The following PRRC2B variants were observed in gnomAD, a reference collection of about 807,000 sequenced individuals.
The protein encoded by PRRC2B is proline rich coiled-coil 2B, also known as protein PRRC2B.
PRRC2B carries 68 observed loss-of-function variants against 242.3 expected under a neutral mutation model. That is an observed-to-expected ratio of 0.28 (90% CI 0.23 to 0.34). PRRC2B has a LOEUF of 0.34. Ranked by LOEUF, PRRC2B falls within the 10% of genes least tolerant of loss-of-function variation. PRRC2B has a pLI of 1.00. For synonymous variants in PRRC2B, 1,228 were observed against 1,173.6 expected (o/e 1.05, Z -0.95); for missense variants, 2,835 against 2,954.8 (o/e 0.96, Z 0.94).
intron 14 of PRRC2B, among the ~76,000 whole-genome samples, chr9:131,471,392 T>C (rs201735957): frequency 2.6e-4 from 39 of 152,332 alleles, no homozygotes; most frequent in East Asian, 1.7e-3. Flanking sequence ...TAATGCCTGC[T>C]TTTTCTTTTC....
chr9:131,383,460 G>A (rs993305141), intron 1 of PRRC2B, among the ~76,000 whole-genome samples: 4 of 152,136 alleles, frequency 2.6e-5, no homozygotes, highest in African/African-American at 9.7e-5. Context: ...GAAGGAGGAA[G>A]CACTAGACCA....
At chr9:131,377,227 G>C (rs1033511133) in intron 1 of PRRC2B, among the ~76,000 whole-genome samples, 4 of 151,944 alleles carry the variant, frequency 2.6e-5, no homozygotes, top group African/African-American at 9.7e-5. Context: ...TGATTCTTCT[G>C]CTTCAGCCTC....
intron 26 of PRRC2B, among the ~76,000 whole-genome samples, chr9:131,486,786 T>G (rs964388724): frequency 6.6e-6 from 1 of 152,248 alleles, no homozygotes; most frequent in African/African-American, 2.4e-5. Context: ...TAAAAACATG[T>G]TCTTAACTGC....
At chr9:131,407,757 C>T (rs955579016) in intron 1 of PRRC2B, among the ~76,000 whole-genome samples, 1 of 152,228 alleles carries the variant, frequency 6.6e-6, no homozygotes. Context: ...TAGCAGCAAA[C>T]ACCCGAGGGC....
At chr9:131,397,563 GTT>G (rs58424444) in intron 1 of PRRC2B, among the ~76,000 whole-genome samples, 16 of 98,976 alleles carry the variant, frequency 1.6e-4, no homozygotes, top group African/African-American at 3.8e-4. Context: ...ACTTTTGAGG[GTT>G]TTTTTTTTTT....
At chr9:131,387,800 C>A (rs1233547568) in intron 1 of PRRC2B, among the ~76,000 whole-genome samples, 2 of 150,148 alleles carry the variant, frequency 1.3e-5, no homozygotes, top group Non-Finnish European at 3.0e-5. Flanking sequence ...TTGAAGACTT[C>A]ATGTGACCAC....
At chr9:131,468,183 T>C (rs1303708032) in intron 13 of PRRC2B, among the ~76,000 whole-genome samples, 1 of 152,158 alleles carries the variant, frequency 6.6e-6, no homozygotes, top group African/African-American at 2.4e-5. Flanking sequence ...CTGTGAGCTG[T>C]TTGAAGAGCT....
chr9:131,392,192 G>A (rs568211467), upstream of PRRC2B, among the ~76,000 whole-genome samples: 5 of 150,816 alleles, frequency 3.3e-5, no homozygotes, highest in South Asian at 6.3e-4. Context: ...TCCGCCACCC[G>A]GGTTTGAGCA....
intron 2 of PRRC2B, among the ~76,000 whole-genome samples, chr9:131,431,832 C>T (rs28510303): frequency 0.046 from 6,955 of 150,550 alleles, 239 homozygotes; most frequent in Admixed American, 0.11. Flanking sequence ...GTGATCCGCC[C>T]GCCTCGGCCT....
In PRRC2B at chr9:131,463,935, G is replaced by GTC. The variant is rs1256749674; in HGVS notation, c.1405-828_1405-827insTC. Among the ~76,000 whole-genome samples the GTC allele has an allele frequency of 6.1e-4, 90 of 148,338 alleles. No homozygotes were observed. The Middle Eastern group carries it at 0.014, about 23-fold the overall frequency. ...GGCATGAGCTACCGTGCCTTTGCTAGACATGCTTTTTTTTTTTTTTCCCCC... is the reference window on the plus strand; with the variant it reads ...GGCATGAGCTACCGTGCCTTTGCTAGTCACATGCTTTTTTTTTTTTTTCCCCC... On this transcript the variant is annotated intron_variant, in intron 11 of 31. Coordinates refer to ENST00000683519, the MANE Select transcript of PRRC2B (RefSeq NM_013318.4).
At chr9:131,391,536 C>T (rs750255322), upstream of PRRC2B, among the ~76,000 whole-genome samples, 1 of 152,112 alleles carries the variant, frequency 6.6e-6, no homozygotes, top group Non-Finnish European at 1.5e-5. Context: ...TCACAGATTT[C>T]AGGGATCAGG....
chr9:131,425,836 C>T (rs1837961221), intron 1 of PRRC2B, among the ~76,000 whole-genome samples: 1 of 151,196 alleles, frequency 6.6e-6, no homozygotes, highest in Non-Finnish European at 1.5e-5. Flanking sequence ...TATTTCTGGT[C>T]AGTTTTCAGA....
chr9:131,405,586 C>T (rs1265482708), intron 1 of PRRC2B, among the ~76,000 whole-genome samples: 1 of 152,168 alleles, frequency 6.6e-6, no homozygotes, highest in Non-Finnish European at 1.5e-5. Flanking sequence ...CAGGAGATCA[C>T]ACCATTGGTT....
At chr9:131,405,904 C>G (rs1177617624) in intron 1 of PRRC2B, among the ~76,000 whole-genome samples, 1 of 152,144 alleles carries the variant, frequency 6.6e-6, no homozygotes, top group Non-Finnish European at 1.5e-5. Context: ...GCTGGGTGAC[C>G]TGGGGCCAGC....
chr9:131,445,127 C>CT (rs1291234899), intron 6 of PRRC2B, among the ~76,000 whole-genome samples: 1 of 151,692 alleles, frequency 6.6e-6, no homozygotes, highest in Non-Finnish European at 1.5e-5. Context: ...CACTCACTGC[C>CT]TTTCCAGTGG....
chr9:131,477,682 G>A, intron 16 of PRRC2B, 62 bp from the exon 17 acceptor site: 4 of 987,048 alleles, frequency 4.1e-6, no homozygotes, highest in East Asian at 2.6e-5. Context: ...CAGGCTGTGT[G>A]CACGTGCGGT....
Position 131,474,465 on chromosome 9 carries a change from C to G in PRRC2B, c.2336C>G (p.Ser779Cys), listed in dbSNP as rs1166599302. 1 of 1,604,162 alleles carries G rather than the reference C, an allele frequency of 6.2e-7. No homozygotes were observed. The highest frequency in any genetic ancestry group is 2.2e-5 in the East Asian group (1 of 44,726). ...TGGTTCCTTTTCAGGAATGAAAGCT[C>G]TTTCTCTGCCTCACTCGGAAGGGCA... is the stretch of plus-strand genomic sequence containing the variant. ...AMDMRVRNES[S>C]FSASLGRAGG... The change falls in exon 16 of 32, where the codon TCT (serine) becomes TGT (cysteine). Residue 779 changes from serine (S) to cysteine (C), a missense_variant. Ser to Cys is a moderately radical substitution (Grantham distance 112, BLOSUM62 -1). Coordinates refer to ENST00000683519, the MANE Select transcript of PRRC2B (RefSeq NM_013318.4).
chr9:131,461,292 A>C (rs1421555393), intron 11 of PRRC2B, among the ~76,000 whole-genome samples: 1 of 152,048 alleles, frequency 6.6e-6, no homozygotes, highest in Non-Finnish European at 1.5e-5. Context: ...TCTGCCTATG[A>C]ATGTCCCCCT....
Position 131,459,233 on chromosome 9 carries a change from G to A in PRRC2B, c.1281G>A (p.Arg427=), listed in dbSNP as rs780512949. 1 of 1,613,996 alleles carries A rather than the reference G, an allele frequency of 6.2e-7. No individual in the cohort carries two copies. Among genetic ancestry groups the A allele is most frequent in the South Asian group, 1.1e-5 (1 of 91,086 alleles). ...CTGCAGACAGTGCGGACGCTAAGCGGACTCGAGAGGAAGGGAAGGACTGGG... is the reference window on the plus strand; with the variant it reads ...CTGCAGACAGTGCGGACGCTAAGCGAACTCGAGAGGAAGGGAAGGACTGGG... ...MSSADSADAK[R]TREEGKDWAE... Residue 427 remains arginine (R), a synonymous_variant, in exon 11 of 32, where the codon CGG becomes CGA. Coordinates refer to ENST00000683519, the MANE Select transcript of PRRC2B (RefSeq NM_013318.4).
Sources: allele counts gnomAD v4.1 joint callset (sites outside exome capture counted in the v4.1 genomes callset), GRCh38; gene constraint gnomAD v4.1.1; transcripts MANE v1.5; gene names NCBI Gene and HGNC (gene_info 2026-07-23, HGNC 2026-07-21).